ASPRV1: variants seen among roughly 807,000 people sequenced by gnomAD.
ASPRV1 encodes the protein retroviral-like aspartic protease 1.
In ASPRV1, 7 loss-of-function variants were observed where a neutral mutation model predicts 11.0. The ratio of observed to expected loss-of-function variants is 0.64; its 90% CI spans 0.36 to 1.20. ASPRV1 has a LOEUF of 1.20. Ranked by LOEUF, ASPRV1 falls within the 50% of genes most tolerant of loss-of-function variation. ASPRV1 has a pLI of 0.02. For missense variants in ASPRV1, 299 were observed against 320.0 expected, an observed-to-expected ratio of 0.93 and a Z score of 0.50; for synonymous variants, 136 against 138.4, an observed-to-expected ratio of 0.98 and a Z score of 0.12.
At chr2:70,033,887 G>A in the ASPRV1 span, among the ~76,000 whole-genome samples, 1 of 152,068 alleles carries the variant, frequency 6.6e-6, no homozygotes, top group Non-Finnish European at 1.5e-5. Context: ...GGGCGCGGTG[G>A]CTCACGCCTG....
the ASPRV1 span, chr2:69,937,465 G>T: frequency 7.1e-7 from 1 of 1,411,208 alleles, no homozygotes. Flanking sequence ...TCAGTACTGC[G>T]GACAGGAGGC....
chr2:69,987,903 G>A, the ASPRV1 span, among the ~76,000 whole-genome samples: 1 of 152,202 alleles, frequency 6.6e-6, no homozygotes, highest in East Asian at 1.9e-4. Context: ...CTGAGGCCAA[G>A]GCCTCCCATT....
the ASPRV1 span, among the ~76,000 whole-genome samples, chr2:69,995,681 G>T: frequency 3.3e-5 from 5 of 152,124 alleles, no homozygotes; most frequent in Non-Finnish European, 7.4e-5. Context: ...TTGCTGTGGT[G>T]GGAGCAGGAA....
At chr2:70,034,178 G>C in the ASPRV1 span, among the ~76,000 whole-genome samples, 1 of 122,604 alleles carries the variant, frequency 8.2e-6, no homozygotes, top group Admixed American at 8.8e-5. Flanking sequence ...AAAAAAAAAA[G>C]GAAAGCAATG....
chr2:70,053,975 C>A, the ASPRV1 span: 3 of 152,312 alleles, frequency 2.0e-5, no homozygotes, highest in African/African-American at 7.2e-5. Context: ...AGAGATGCCT[C>A]CTGCCTTCAA....
chr2:70,046,509 C>T, the ASPRV1 span: 1 of 152,196 alleles, frequency 6.6e-6, no homozygotes, highest in East Asian at 1.9e-4. Flanking sequence ...TCACCTGACA[C>T]ATGTGCTATG....
At chr2:69,972,061 T>G in the ASPRV1 span, among the ~76,000 whole-genome samples, 11 of 151,898 alleles carry the variant, frequency 7.2e-5, no homozygotes, top group African/African-American at 2.7e-4. Flanking sequence ...CTAGGTTTTC[T>G]TTACCATTTT....
At chr2:70,007,979 G>A in the ASPRV1 span, among the ~76,000 whole-genome samples, 3 of 152,036 alleles carry the variant, frequency 2.0e-5, no homozygotes, top group South Asian at 4.2e-4. Context: ...GGGACTACAG[G>A]TACGCTCCAT....
At chr2:69,967,560 G>A in the ASPRV1 span, among the ~76,000 whole-genome samples, 9 of 152,116 alleles carry the variant, frequency 5.9e-5, no homozygotes, top group Non-Finnish European at 7.4e-5. Flanking sequence ...AGGATGCCTC[G>A]GAGAGATTGG....
At chr2:70,086,740 C>A in the ASPRV1 span, among the ~76,000 whole-genome samples, 1 of 152,214 alleles carries the variant, frequency 6.6e-6, no homozygotes, top group Admixed American at 6.5e-5. Flanking sequence ...TGGCTTTAAC[C>A]GAAAGAAACT....
At chr2:70,080,568 T>C in the ASPRV1 span, among the ~76,000 whole-genome samples, 1 of 152,170 alleles carries the variant, frequency 6.6e-6, no homozygotes, top group Non-Finnish European at 1.5e-5. Context: ...ATCAATCATT[T>C]GCTAACTCAA....
At chr2:70,017,210 C>G in the ASPRV1 span, among the ~76,000 whole-genome samples, 2 of 152,312 alleles carry the variant, frequency 1.3e-5, no homozygotes, top group Admixed American at 6.5e-5. Context: ...CCAGGATGGT[C>G]TCCATCTCCT....
the ASPRV1 span, among the ~76,000 whole-genome samples, chr2:69,945,739 AG>A: frequency 5.9e-5 from 9 of 152,194 alleles, no homozygotes; most frequent in Non-Finnish European, 1.2e-4. Context: ...GGATGACCAC[AG>A]GAAGAGCCAG....
At chr2:70,082,266 C>T in the ASPRV1 span, among the ~76,000 whole-genome samples, 40 of 152,066 alleles carry the variant, frequency 2.6e-4, no homozygotes, top group Admixed American at 4.6e-4. Flanking sequence ...TTGGCCAGTA[C>T]GGCAACTTTA....
the ASPRV1 span, among the ~76,000 whole-genome samples, chr2:70,040,937 T>C: frequency 6.6e-6 from 1 of 152,230 alleles, no homozygotes; most frequent in Non-Finnish European, 1.5e-5. Flanking sequence ...TTTCAAGCCC[T>C]CTTCCCACTT....
At chr2:70,057,742 G>C in the ASPRV1 span, among the ~76,000 whole-genome samples, 4 of 151,498 alleles carry the variant, frequency 2.6e-5, no homozygotes, top group Admixed American at 2.6e-4. Flanking sequence ...GCCTCCCAAA[G>C]TGCTGGGATT....
the ASPRV1 span, chr2:70,016,431 T>A: frequency 6.6e-6 from 1 of 151,826 alleles, no homozygotes; most frequent in Non-Finnish European, 1.5e-5. Flanking sequence ...TACCAGCACT[T>A]TAAAAGACTG....
chr2:70,004,257 C>A, the ASPRV1 span, among the ~76,000 whole-genome samples: 1 of 152,088 alleles, frequency 6.6e-6, no homozygotes, highest in Non-Finnish European at 1.5e-5. Flanking sequence ...GTAAGCCAGG[C>A]GCGGTGGCTC....
chr2:70,033,276 A>C, the ASPRV1 span, among the ~76,000 whole-genome samples: 1 of 141,512 alleles, frequency 7.1e-6, no homozygotes, highest in African/African-American at 2.7e-5. Flanking sequence ...TCAAACAGAA[A>C]ACACACACAC....
Sources: allele counts gnomAD v4.1 joint callset (sites outside exome capture counted in the v4.1 genomes callset), GRCh38; gene constraint gnomAD v4.1.1; transcripts MANE v1.5; gene names NCBI Gene and HGNC (gene_info 2026-07-23, HGNC 2026-07-21).